Variants in GATD1 observed in about 807,000 individuals in gnomAD.
The protein encoded by GATD1 is glutamine amidotransferase class 1 domain containing 1, also known as glutamine amidotransferase-like class 1 domain-containing protein 1.
In GATD1, 23 loss-of-function variants were observed where a neutral mutation model predicts 25.9. The observed-to-expected ratio is 0.89, with a 90% CI of 0.64 to 1.26. The LOEUF (loss-of-function observed/expected upper bound fraction) is 1.26. GATD1 is among the 50% of genes most tolerant of loss of function. GATD1 has a pLI of 0.00. For missense variants in GATD1, 347 were observed against 312.5 expected, an observed-to-expected ratio of 1.11 and a Z score of -0.83; for synonymous variants, 177 against 134.6, an observed-to-expected ratio of 1.31 and a Z score of -2.18.
chr11:777,283 A>T (rs1864096938), intron 1 of GATD1, 116 bp downstream of exon 1: 1 of 629,966 alleles, frequency 1.6e-6, no homozygotes, highest in Non-Finnish European at 1.9e-6. Context: ...CGGCGCCCCC[A>T]GCGGCCTCGG....
At chr11:774,206 A>G in intron 2 of GATD1, 93 bp from the exon 3 acceptor site, 1 of 1,082,768 alleles carries the variant, frequency 9.2e-7, no homozygotes, top group Non-Finnish European at 1.4e-6. Context: ...GGGACCCAAC[A>G]GCATCCCCCT....
chr11:775,102 G>A lies in GATD1; in HGVS notation c.105C>T (p.Ala35=), dbSNP rs1351946322. Reference sequence around the variant, plus strand: ...CCACCTGCAGGTTGAAGGCGGTGCTGGCCATCGTGAAACAGTGGAGGAAGG... The same window carrying A: ...CCACCTGCAGGTTGAAGGCGGTGCTAGCCATCGTGAAACAGTGGAGGAAGG... ...AQSFLHCFTM[A]STAFNLQVAT... Residue 35 remains alanine, a synonymous_variant, in exon 2 of 8, where the codon GCC becomes GCT. Transcript: ENST00000319863. 6 of 1,605,984 alleles carry A rather than the reference G, an allele frequency of 3.7e-6. No homozygotes were observed. In the East Asian group the frequency reaches 9.0e-5, roughly 24 times the overall value.
At position 768,003 on chromosome 11, in the gene GATD1, ACC is replaced by A; in HGVS notation, c.*2892_*2893del. On this transcript the variant is annotated 3_prime_UTR_variant, in exon 8 of 8. Coordinates refer to ENST00000319863, the MANE Select transcript of GATD1 (RefSeq NM_182612.4). ...GTAAATGGGATTACAGGCGCCCACC[ACC>A]GCGCCCGGCTAATTTCTGTATTTTT... 1 of 150,722 alleles carries A rather than the reference ACC, an allele frequency of 6.6e-6. No homozygotes were observed. Among genetic ancestry groups the A allele is most frequent in the Non-Finnish European group, 1.5e-5 (1 of 67,706 alleles). The allele number at this position is 150,722 out of a possible 1,614,324, so 9.3% of individuals were successfully genotyped here. A position where few individuals can be genotyped will look rare whatever the true frequency, so the allele number is the denominator to read the frequency against.
rs866000633 is a variant in GATD1 at position 767,254 on chromosome 11, G to C, written c.*3643C>G. On this transcript the variant is annotated 3_prime_UTR_variant, in exon 8 of 8. Coordinates refer to ENST00000319863, the MANE Select transcript of GATD1 (RefSeq NM_182612.4). Reference sequence around the variant, plus strand: ...GCTGCTGCATGGTTTTATTCCTCATGGGTAGATGAACACACACTGGTATAT... The same window carrying C: ...GCTGCTGCATGGTTTTATTCCTCATCGGTAGATGAACACACACTGGTATAT... 6.5e-7 allele frequency: 1 copy of C among 1,535,946 alleles called. No homozygotes were observed. The highest frequency in any genetic ancestry group is 1.4e-5 in the African/African-American group (1 of 73,038).
At chr11:774,149 C>T in intron 2 of GATD1, 36 bp from the exon 3 acceptor site, 1 of 1,567,362 alleles carries the variant, frequency 6.4e-7, no homozygotes, top group Non-Finnish European at 8.8e-7. Flanking sequence ...AGGGTCAGCA[C>T]CAGGGATATC....
chr11:775,607 C>A (rs1277428332), intron 1 of GATD1, among the ~76,000 whole-genome samples: 3 of 152,200 alleles, frequency 2.0e-5, no homozygotes, highest in Non-Finnish European at 2.9e-5. Flanking sequence ...TCTCACTGAA[C>A]CACCAGGGAC....
At position 770,284 on chromosome 11, in the gene GATD1, T is replaced by A; in HGVS notation, c.*613A>T. On this transcript the variant is annotated 3_prime_UTR_variant, in exon 8 of 8. Transcript: ENST00000319863. ...ACAAGTAAACGTGCCTCTCAATGCT[T>A]AGGACAGGGTGCATCACTGAGGTGC... is the stretch of plus-strand genomic sequence containing the variant. The A allele has an allele frequency of 6.7e-7, 1 of 1,491,046 alleles. No individual in the cohort carries two copies. The highest frequency in any genetic ancestry group is 1.3e-5 in the South Asian group (1 of 78,892). The allele number at this position is 1,491,046 out of a possible 1,614,324, so 92.4% of individuals were successfully genotyped here.
Position 767,738 on chromosome 11 carries a change from G to A in GATD1, c.*3159C>T, listed in dbSNP as rs866930146. 1 of 576,020 alleles carries A rather than the reference G, an allele frequency of 1.7e-6. No homozygotes were observed. Among genetic ancestry groups the A allele is most frequent in the Non-Finnish European group, 2.3e-6 (1 of 432,486 alleles). 35.7% of individuals were successfully genotyped at this position (576,020 alleles called of 1,614,324 possible). A position where few individuals can be genotyped will look rare whatever the true frequency, so the allele number is the denominator to read the frequency against. On this transcript the variant is annotated 3_prime_UTR_variant, in exon 8 of 8. Coordinates refer to ENST00000319863, the MANE Select transcript of GATD1 (RefSeq NM_182612.4). ...GGGCAGGGGCACAGCCTCATCATGG[G>A]ACCATCACCCTCACAAAAGAGGTTG...
intron 4 of GATD1, 105 bp downstream of exon 4, chr11:773,417 G>C (rs1863641723): frequency 1.0e-6 from 1 of 954,790 alleles, no homozygotes; most frequent in Non-Finnish European, 1.6e-6. Context: ...CAGAGATCCA[G>C]AAACGCCTAC....
intron 1 of GATD1, among the ~76,000 whole-genome samples, chr11:776,046 G>C (rs1863940723): frequency 7.3e-6 from 1 of 137,276 alleles, no homozygotes; most frequent in South Asian, 2.3e-4. Context: ...GCAGTGGTGC[G>C]ATCTCGGCTC....
intron 6 of GATD1, 40 bp from the exon 7 acceptor site, chr11:771,144 C>T (rs1349225324): frequency 1.9e-6 from 3 of 1,555,824 alleles, no homozygotes; most frequent in Non-Finnish European, 2.6e-6. Context: ...GCAATGTCCA[C>T]CTCACCCACT....
At position 770,269 on chromosome 11, in the gene GATD1, G is replaced by A. The variant is rs1434856952; in HGVS notation, c.*628C>T. 14 of 1,450,764 alleles carry A rather than the reference G, an allele frequency of 9.7e-6. No homozygotes were observed. Among genetic ancestry groups the A allele is most frequent in the African/African-American group, 5.7e-5 (4 of 70,190 alleles). 89.9% of individuals were successfully genotyped at this position (1,450,764 alleles called of 1,614,324 possible). On this transcript the variant is annotated 3_prime_UTR_variant, in exon 8 of 8. Transcript: ENST00000319863. ...CATGGTCTCATATTCACAAGTAAACGTGCCTCTCAATGCTTAGGACAGGGT... is the reference window on the plus strand; with the variant it reads ...CATGGTCTCATATTCACAAGTAAACATGCCTCTCAATGCTTAGGACAGGGT...
intron 5 of GATD1, among the ~76,000 whole-genome samples, chr11:771,701 G>A (rs1017680492): frequency 6.6e-6 from 1 of 152,222 alleles, no homozygotes; most frequent in Non-Finnish European, 1.5e-5. Context: ...AGAATGAGAA[G>A]GGCTTGGTGG....
intron 2 of GATD1, 56 bp downstream of exon 2, chr11:775,010 C>T (rs1374912779): frequency 2.7e-6 from 4 of 1,501,282 alleles, no homozygotes; most frequent in East Asian, 2.4e-5. Context: ...ACCTTGCCCC[C>T]GGAGAGGTGG....
chr11:770,252 C>T lies in GATD1; in HGVS notation c.*645G>A. ...CCTATCATTGAGAATCTCATGGTCT[C>T]ATATTCACAAGTAAACGTGCCTCTC... On this transcript the variant is annotated 3_prime_UTR_variant, in exon 8 of 8. Transcript: ENST00000319863. 1.4e-6 allele frequency: 2 copies of T among 1,429,924 alleles called. No individual in the cohort carries two copies. The highest frequency in any genetic ancestry group is 1.8e-6 in the Non-Finnish European group (2 of 1,088,282). The allele number at this position is 1,429,924 out of a possible 1,614,324, so 88.6% of individuals were successfully genotyped here. A position where few individuals can be genotyped will look rare whatever the true frequency, so the allele number is the denominator to read the frequency against.
rs1226432326 is a variant in GATD1 at position 770,447 on chromosome 11, C to T, written c.*450G>A. 19 of 1,479,478 alleles carry T rather than the reference C, an allele frequency of 1.3e-5. No individual in the cohort carries two copies. Among genetic ancestry groups the T allele is most frequent in the African/African-American group, 2.8e-5 (2 of 71,318 alleles). The allele number at this position is 1,479,478 out of a possible 1,614,324, so 91.6% of individuals were successfully genotyped here. A position where few individuals can be genotyped will look rare whatever the true frequency, so the allele number is the denominator to read the frequency against. On this transcript the variant is annotated 3_prime_UTR_variant, in exon 8 of 8. Coordinates refer to ENST00000319863, the MANE Select transcript of GATD1 (RefSeq NM_182612.4). ...GCCAAAGTTCTGAGCCAGCTCCCGC[C>T]GGCTGGGCCCTCCCCTCAAGGCCCC...
At position 773,567 on chromosome 11, in the gene GATD1, T is replaced by C; in HGVS notation, c.310A>G (p.Ser104Gly). 1 of 1,610,328 alleles carries C rather than the reference T, an allele frequency of 6.2e-7. No individual in the cohort carries two copies. Among genetic ancestry groups the C allele is most frequent in the Non-Finnish European group, 8.5e-7 (1 of 1,179,088 alleles). The change falls in exon 4 of 8, where the codon AGT becomes GGT. Residue 104 changes from serine to glycine, a missense_variant. Ser to Gly is a moderately conservative substitution (Grantham distance 56). Transcript: ENST00000319863. ...TGCAGGATACGGGCCAGGGAGCCAC[T>C]GCTGGCCAGGTCGGTCAGGGCCCCA... is the stretch of plus-strand genomic sequence containing the variant. ...CPGALTDLAS[S>G]GSLARILQHF...
chr11:769,920 T>C lies in GATD1; in HGVS notation c.*977A>G. The C allele has an allele frequency of 1.0e-6, 1 of 992,802 alleles. No individual in the cohort carries two copies. The highest frequency in any genetic ancestry group is 1.2e-6 in the Non-Finnish European group (1 of 835,034). 61.5% of individuals were successfully genotyped at this position (992,802 alleles called of 1,614,324 possible). A position where few individuals can be genotyped will look rare whatever the true frequency, so the allele number is the denominator to read the frequency against. On this transcript the variant is annotated 3_prime_UTR_variant, in exon 8 of 8. Coordinates refer to ENST00000319863, the MANE Select transcript of GATD1 (RefSeq NM_182612.4). ...TGTGAGCCACTGCGCCCGGCCCAACTGAACGGTTTTATAATCACAAGGGGC... is the reference window on the plus strand; with the variant it reads ...TGTGAGCCACTGCGCCCGGCCCAACCGAACGGTTTTATAATCACAAGGGGC...
At chr11:773,310 C>A (rs1222337128) in intron 4 of GATD1, 2 of 531,214 alleles carry the variant, frequency 3.8e-6, no homozygotes, top group Non-Finnish European at 6.6e-6. Flanking sequence ...CACCCAGAGG[C>A]CTGCAAGATG....
Sources: allele counts gnomAD v4.1 joint callset (sites outside exome capture counted in the v4.1 genomes callset), GRCh38; gene constraint gnomAD v4.1.1; transcripts MANE v1.5; gene names NCBI Gene and HGNC (gene_info 2026-07-23, HGNC 2026-07-21).